Variants in DOCK2 observed in about 807,000 individuals in gnomAD.
DOCK2 encodes dedicator of cytokinesis 2, also known as dedicator of cytokinesis protein 2.
DOCK2 carries 87 observed loss-of-function variants against 248.9 expected under a neutral mutation model. The observed-to-expected ratio is 0.35, with a 90% CI of 0.29 to 0.42. The LOEUF is 0.42. DOCK2 is among the 10% of genes least tolerant of loss of function. DOCK2 has a pLI of 1.00. For missense variants in DOCK2, 1,747 were observed against 2,300.2 expected, an observed-to-expected ratio of 0.76 and a Z score of 4.92; for synonymous variants, 805 against 821.6, an observed-to-expected ratio of 0.98 and a Z score of 0.35.
At chr5:170,048,343 A>G (rs1756789412) in intron 40 of DOCK2, among the ~76,000 whole-genome samples, 1 of 152,124 alleles carries the variant, frequency 6.6e-6, no homozygotes, top group Admixed American at 6.5e-5. Context: ...GTGAGTCATG[A>G]TGGGGCCACT....
intron 27 of DOCK2, among the ~76,000 whole-genome samples, chr5:169,871,162 G>A (rs1771944383): frequency 6.6e-6 from 1 of 152,068 alleles, no homozygotes; most frequent in African/African-American, 2.4e-5. Context: ...ATCATCACAT[G>A]GGGCATTAGG....
intron 27 of DOCK2, among the ~76,000 whole-genome samples, chr5:169,928,514 G>A (rs1447376168): frequency 1.3e-5 from 2 of 152,190 alleles, no homozygotes; most frequent in Non-Finnish European, 2.9e-5. Context: ...TCCAAGTTAC[G>A]GGAGTAACCT....
chr5:169,941,360 C>T lies in DOCK2; in HGVS notation c.2800-41708C>T, dbSNP rs1433940603. ...GTAGCTGGGATTACAGGCCTGTGCCCCCAGGCCCAGCTAATTTTGTATTTT... is the reference window on the plus strand; with the variant it reads ...GTAGCTGGGATTACAGGCCTGTGCCTCCAGGCCCAGCTAATTTTGTATTTT... On this transcript the variant is annotated intron_variant, in intron 27 of 51. Transcript: ENST00000520908. Among the ~76,000 whole-genome samples, 10 of 152,036 alleles carry T rather than the reference C, an allele frequency of 6.6e-5. 1 individual carries two copies. In the East Asian group the frequency reaches 1.9e-3, roughly 29 times the overall value.
At chr5:169,914,372 A>T (rs1774765346) in intron 27 of DOCK2, among the ~76,000 whole-genome samples, 1 of 152,216 alleles carries the variant, frequency 6.6e-6, no homozygotes. Flanking sequence ...TCAGAAAAGA[A>T]TACAATACTA....
rs573782222 is a variant in DOCK2, at chr5:169,696,847, C to T, written c.979+909C>T. 4.7e-5 allele frequency among the ~76,000 whole-genome samples: 7 copies of T among 150,418 alleles called. No homozygotes were observed. The East Asian group carries it at 1.2e-3, about 25-fold the overall frequency. ...TGTTTTTTTTTTTTTTTTAACCTGG[C>T]ACTGCGGCTAGCTAGCCAGCCAGTG... On this transcript the variant is annotated intron_variant, in intron 10 of 51. Coordinates refer to ENST00000520908, the MANE Select transcript of DOCK2 (RefSeq NM_004946.3).
chr5:169,939,203 C>CTTTTTTT (rs56040572), intron 27 of DOCK2, among the ~76,000 whole-genome samples: 12 of 143,744 alleles, frequency 8.3e-5, no homozygotes, highest in East Asian at 6.1e-4. Flanking sequence ...TGTGCCCGGC[C>CTTTTTTT]TTTTTTTTTT....
intron 25 of DOCK2, among the ~76,000 whole-genome samples, chr5:169,798,739 T>A (rs1397715042): frequency 6.6e-6 from 1 of 152,192 alleles, no homozygotes; most frequent in Non-Finnish European, 1.5e-5. Context: ...CCTAGAATAG[T>A]GACTGGCACA....
chr5:169,951,673 T>G (rs1226577216), intron 27 of DOCK2, among the ~76,000 whole-genome samples: 1 of 152,218 alleles, frequency 6.6e-6, no homozygotes, highest in East Asian at 1.9e-4. Context: ...TTATTAATAA[T>G]AATGGTATAA....
intron 30 of DOCK2, among the ~76,000 whole-genome samples, chr5:170,006,666 G>T (rs574349766): frequency 1.3e-5 from 2 of 152,272 alleles, no homozygotes; most frequent in Non-Finnish European, 2.9e-5. Flanking sequence ...GGTGATAAAG[G>T]TCCAAGTAAA....
chr5:169,727,220 G>A (rs758676910), intron 22 of DOCK2, among the ~76,000 whole-genome samples: 2 of 152,188 alleles, frequency 1.3e-5, no homozygotes, highest in Admixed American at 6.5e-5. Context: ...TCTCCTCTGT[G>A]CTTGGCCCTG....
chr5:169,900,293 G>T (rs1255255094), intron 27 of DOCK2, among the ~76,000 whole-genome samples: 3 of 152,162 alleles, frequency 2.0e-5, no homozygotes, highest in Non-Finnish European at 4.4e-5. Context: ...CTGATGGAGG[G>T]GACATCTGAG....
At chr5:169,781,824 C>G (rs1765730317) in intron 25 of DOCK2, among the ~76,000 whole-genome samples, 1 of 152,140 alleles carries the variant, frequency 6.6e-6, no homozygotes, top group African/African-American at 2.4e-5. Context: ...GACATTGCCC[C>G]CTTTTGCAGG....
chr5:170,041,390 T>A lies in DOCK2; in HGVS notation c.3756+245T>A, dbSNP rs145028728. Among the ~76,000 whole-genome samples the A allele has an allele frequency of 6.6e-5, 10 of 152,294 alleles. No individual in the cohort carries two copies. In the East Asian group the frequency reaches 1.7e-3, roughly 26 times the overall value. On this transcript the variant is annotated intron_variant, in intron 37 of 51. Transcript: ENST00000520908. ...AGATACATTTTGCAGCTTTATATAA[T>A]ATCTAAACTGCTATTAACGGTAAAT...
At chr5:170,014,086 G>T (rs1407457716) in intron 32 of DOCK2, among the ~76,000 whole-genome samples, 1 of 152,162 alleles carries the variant, frequency 6.6e-6, no homozygotes. Flanking sequence ...TGTCAGGGCT[G>T]AAGGAAAGAC....
intron 46 of DOCK2, among the ~76,000 whole-genome samples, chr5:170,075,004 A>G (rs2113873975): frequency 6.6e-6 from 1 of 152,302 alleles, no homozygotes; most frequent in South Asian, 2.1e-4. Context: ...CTCCTGGCAC[A>G]CATATTGTGT....
rs115677485 is a variant in DOCK2, at chr5:169,843,141, C to G, written c.2799+2289C>G. 5.9e-3 allele frequency among the ~76,000 whole-genome samples: 903 copies of G among 152,320 alleles called. 3 individuals carry two copies. The highest frequency in any genetic ancestry group is 0.01 in the Middle Eastern group (3 of 294). On this transcript the variant is annotated intron_variant, in intron 27 of 51. Coordinates refer to ENST00000520908, the MANE Select transcript of DOCK2 (RefSeq NM_004946.3). ...TGGATATTGCCCAAACATGCTGGCA[C>G]TGTCTTACATGCAGGCTTAGCCTCT...
intron 26 of DOCK2, 130 bp from the exon 27 acceptor site, chr5:169,840,625 GGC>G: frequency 1.2e-5 from 8 of 694,776 alleles, no homozygotes; most frequent in Admixed American, 2.1e-5. Context: ...TGATGATGAT[GGC>G]AGTAGTGGTG....
chr5:170,049,749 G>A (rs1022804987), intron 40 of DOCK2, among the ~76,000 whole-genome samples: 20 of 152,144 alleles, frequency 1.3e-4, no homozygotes, highest in African/African-American at 4.8e-4. Context: ...GTCCCTTGGG[G>A]GACAACATCA....
intron 1 of DOCK2, among the ~76,000 whole-genome samples, chr5:169,647,552 T>A (rs1757537751): frequency 6.6e-6 from 1 of 152,110 alleles, no homozygotes. Context: ...ACTCTTGAAC[T>A]CGTCTCCAAA....
Sources: gnomAD v4.1 joint callset for allele counts (sites outside exome capture counted in the v4.1 genomes callset) on GRCh38, gnomAD v4.1.1 for gene constraint, MANE v1.5 for transcripts, NCBI Gene and HGNC (gene_info 2026-07-23, HGNC 2026-07-21) for gene names.